The following LMTK3 variants were observed in gnomAD, a reference collection of about 807,000 sequenced individuals.
LMTK3 encodes the protein lemur tail kinase 3, also known as serine/threonine-protein kinase LMTK3.
Under a neutral mutation model 116.7 loss-of-function variants are expected in LMTK3, and 27 were observed. That is an observed-to-expected ratio of 0.23 (90% CI 0.17 to 0.32). The LOEUF (loss-of-function observed/expected upper bound fraction) is 0.32. Among genes scored for constraint, LMTK3 ranks in the 10% least tolerant of loss-of-function variants. LMTK3 has a pLI of 1.00. For synonymous variants in LMTK3, 965 were observed against 971.0 expected (o/e 0.99, Z 0.11); for missense variants, 1,764 against 2,068.5 (o/e 0.85, Z 2.86).
At position 48,509,508 on chromosome 19, in the gene LMTK3, T is replaced by G; in HGVS notation, c.367A>C (p.Thr123Pro). ...TGCCGGCTAAGGCCCAGGGGGGTGG[T>G]CATGTCTGGGGAGGGCAAGAGGGGA... is the stretch of plus-strand genomic sequence containing the variant. Reference protein sequence around the residue: ...PAPQPSHSDMTTPLGLSRQHL... With the variant: ...PAPQPSHSDMPTPLGLSRQHL... The change falls in exon 4 of 15, where the codon ACC becomes CCC. Residue 123 changes from threonine (T) to proline (P), a missense_variant. By Grantham distance (38) the Thr-to-Pro change is conservative (BLOSUM62 -1). This residue lies in a region of LMTK3 where 271 missense variants were observed against 478.2 expected (regional missense o/e 0.57). Coordinates refer to ENST00000600059, the MANE Select transcript of LMTK3 (RefSeq NM_001388485.1). 1 of 1,553,992 alleles carries G rather than the reference T, an allele frequency of 6.4e-7. No homozygotes were observed. Among genetic ancestry groups the G allele is most frequent in the Non-Finnish European group, 8.7e-7 (1 of 1,148,026 alleles).
At chr19:48,502,324 T>C (rs1410570042) in intron 7 of LMTK3, 109 bp downstream of exon 7, 1 of 1,333,536 alleles carries the variant, frequency 7.5e-7, no homozygotes, top group Non-Finnish European at 1.0e-6. Flanking sequence ...CGTCCCTATT[T>C]TGTGTCAGCC....
rs141818052 is a variant in LMTK3 at position 48,500,487 on chromosome 19, G to A, written c.1151+509C>T. On this transcript the variant is annotated intron_variant, in intron 10 of 14. Transcript: ENST00000600059. This position sits in a 1 kb window ranked among gnomAD's most constrained non-coding sequence, Gnocchi z 4.0. ...GAGAGGGACAGAGACCCAGAGAGAG[G>A]GGGACAGAGACCTAGAGAGAGAGGG... Among the ~76,000 whole-genome samples, 119 of 151,940 alleles carry A rather than the reference G, an allele frequency of 7.8e-4. 1 individual carries two copies. In the South Asian group the frequency reaches 0.015, roughly 19 times the overall value.
At chr19:48,492,701 CCA>C (rs1972246946) in intron 12 of LMTK3, among the ~76,000 whole-genome samples, 2 of 152,204 alleles carry the variant, frequency 1.3e-5, no homozygotes, top group African/African-American at 2.4e-5. Flanking sequence ...CAAACCATGC[CCA>C]AACTCTCACT....
rs1378147192 is a variant in LMTK3 at position 48,499,572 on chromosome 19, C to T, written c.1497G>A (p.Pro499=). 3.3e-6 allele frequency: 5 copies of T among 1,522,560 alleles called. No homozygotes were observed. The highest frequency in any genetic ancestry group is 4.5e-5 in the Admixed American group (2 of 44,434). 94.3% of individuals were successfully genotyped at this position (1,522,560 alleles called of 1,614,324 possible). The change falls in exon 11 of 15, where the codon CCG becomes CCA. Residue 499 remains proline (P), a synonymous_variant. Transcript: ENST00000600059. ...CGTGGGGGGCCGGGGGGGCCGACGC[C>T]GGCTGCCAGGCAGGTGCCCCCCCAC... ...GRGGGAPAWQ[P]ASAPPAPHAN...
chr19:48,505,528 C>G (rs1426191009), intron 5 of LMTK3, among the ~76,000 whole-genome samples: 1 of 151,960 alleles, frequency 6.6e-6, no homozygotes, highest in Non-Finnish European at 1.5e-5. Context: ...AGTTTGAGAC[C>G]AGCTGGAGCA....
intron 1 of LMTK3, among the ~76,000 whole-genome samples, chr19:48,511,178 A>C (rs1405504522): frequency 6.6e-6 from 1 of 152,194 alleles, no homozygotes; most frequent in Non-Finnish European, 1.5e-5. Flanking sequence ...TGTCCCCCTT[A>C]GAAATAGTAT....
chr19:48,501,466 A>G lies in LMTK3; in HGVS notation c.879+12T>C. ...ACCCCACAGCCCCCATCCCGACGGA[A>G]GGAAGCCCTACCTTGTAGTTGCTGT... On this transcript the variant is annotated intron_variant, in intron 8 of 14. Coordinates refer to ENST00000600059, the MANE Select transcript of LMTK3 (RefSeq NM_001388485.1). The G allele has an allele frequency of 6.2e-7, 1 of 1,612,670 alleles. No homozygotes were observed. The highest frequency in any genetic ancestry group is 8.5e-7 in the Non-Finnish European group (1 of 1,179,344).
intron 14 of LMTK3, among the ~76,000 whole-genome samples, chr19:48,488,495 G>C (rs1972163570): frequency 1.3e-5 from 2 of 151,782 alleles, no homozygotes; most frequent in Non-Finnish European, 2.9e-5. Context: ...GTCGTCCGTG[G>C]CTCCCTGGCA....
At position 48,499,763 on chromosome 19, in the gene LMTK3, G is replaced by T; in HGVS notation, c.1306C>A (p.Pro436Thr). 1.4e-6 allele frequency: 2 copies of T among 1,480,470 alleles called. No homozygotes were observed. The highest frequency in any genetic ancestry group is 1.8e-6 in the Non-Finnish European group (2 of 1,106,868). The allele number at this position is 1,480,470 out of a possible 1,614,324, so 91.7% of individuals were successfully genotyped here. The stretch of plus-strand genomic sequence containing the variant: ...GGGCGGGGCGCACTGTGTGCAGGGG[G>T]CCAGGGCCAGGGGAAGGGACCGTCT... ...PRDGPFPWPW[P>T]PAHSAPRPGT... is the part of the protein sequence containing the mutation. The change falls in exon 11 of 15, where the codon CCC becomes ACC. Residue 436 changes from proline to threonine, a missense_variant. Around this residue, in one of 7 missense-constraint regions of LMTK3, gnomAD observed 63 missense variants for 65.0 expected, o/e 0.97. Transcript: ENST00000600059.
upstream of LMTK3, chr19:48,513,386 G>T (rs1353996205): frequency 3.4e-6 from 2 of 589,792 alleles, no homozygotes; most frequent in Non-Finnish European, 6.1e-6. The surrounding 1 kb of genome is among the most constrained non-coding windows in gnomAD (Gnocchi z 5.6). Context: ...GTAGTCACCT[G>T]CCCCAAGGCA....
chr19:48,500,590 C>T lies in LMTK3; in HGVS notation c.1151+406G>A, dbSNP rs560498693. Among the ~76,000 whole-genome samples, 2 of 152,088 alleles carry T rather than the reference C, an allele frequency of 1.3e-5. No individual in the cohort carries two copies. Among genetic ancestry groups the T allele is most frequent in the Admixed American group, 6.5e-5 (1 of 15,274 alleles). The stretch of plus-strand genomic sequence containing the variant: ...GACGGTAGAGATTCAGAGGAGGTAA[C>T]TGGGCTGGGGAGCTGGGTATTGAGA... On this transcript the variant is annotated intron_variant, in intron 10 of 14. Transcript: ENST00000600059. The surrounding 1 kb of genome is among the most constrained non-coding windows in gnomAD (Gnocchi z 4.0).
chr19:48,510,039 C>A lies in LMTK3; in HGVS notation c.345G>T (p.Pro115=), dbSNP rs1738124941. The part of the protein sequence containing the change: ...LAEVSLPMPA[P]QPSHSDMTTP... ...GGGCAGTACCTGAGTGTGAAGGCTG[C>A]GGGGCAGGCATTGGCAGGGAGACCT... Residue 115 remains proline, a synonymous_variant, in exon 3 of 15, where the codon CCG becomes CCT. Coordinates refer to ENST00000600059, the MANE Select transcript of LMTK3 (RefSeq NM_001388485.1). 1.2e-6 allele frequency: 2 copies of A among 1,613,812 alleles called. No individual in the cohort carries two copies. The highest frequency in any genetic ancestry group is 1.7e-6 in the Non-Finnish European group (2 of 1,179,842).
At chr19:48,506,973 G>A (rs1972581756) in intron 5 of LMTK3, among the ~76,000 whole-genome samples, 1 of 152,064 alleles carries the variant, frequency 6.6e-6, no homozygotes, top group East Asian at 1.9e-4. Flanking sequence ...CAATTTTTTT[G>A]TATTTTTGTA....
rs1457239338 is a variant in LMTK3 at position 48,491,942 on chromosome 19, C to G, written c.4093-403G>C. ...TCCAGTGGCCCTCCCAACCCCTGCC[C>G]CATCCTGAGCGCATGCCGTGCTGGA... On this transcript the variant is annotated intron_variant, in intron 12 of 14. Coordinates refer to ENST00000600059, the MANE Select transcript of LMTK3 (RefSeq NM_001388485.1). This position sits in a 1 kb window ranked among gnomAD's most constrained non-coding sequence, Gnocchi z 5.1. 1.3e-5 allele frequency among the ~76,000 whole-genome samples: 2 copies of G among 152,070 alleles called. No homozygotes were observed. The highest frequency in any genetic ancestry group is 2.4e-5 in the African/African-American group (1 of 41,422).
intron 5 of LMTK3, among the ~76,000 whole-genome samples, chr19:48,505,035 C>G (rs1366360889): frequency 1.3e-5 from 2 of 150,242 alleles, no homozygotes; most frequent in African/African-American, 4.9e-5. Flanking sequence ...CTGTCTCTGT[C>G]ACATACTGCC....
At chr19:48,492,007 C>A (rs981593310) in intron 12 of LMTK3, among the ~76,000 whole-genome samples, 23 of 152,040 alleles carry the variant, frequency 1.5e-4, no homozygotes, top group Non-Finnish European at 2.8e-4. Context: ...CAGAAGTAGA[C>A]CTGCTCCCGC....
Position 48,501,463 on chromosome 19 carries a change from G to A in LMTK3, c.879+15C>T. On this transcript the variant is annotated intron_variant, in intron 8 of 14. Transcript: ENST00000600059. ...GGCACCCCACAGCCCCCATCCCGAC[G>A]GAAGGAAGCCCTACCTTGTAGTTGC... The A allele has an allele frequency of 1.2e-6, 2 of 1,612,466 alleles. No homozygotes were observed. The highest frequency in any genetic ancestry group is 1.7e-6 in the Non-Finnish European group (2 of 1,179,290).
Position 48,499,891 on chromosome 19 carries a change from C to A in LMTK3, c.1178G>T (p.Arg393Leu), listed in dbSNP as rs753538317. The A allele has an allele frequency of 1.3e-6, 2 of 1,597,692 alleles. No individual in the cohort carries two copies. The highest frequency in any genetic ancestry group is 1.7e-6 in the Non-Finnish European group (2 of 1,173,884). ...GGCTGAAGGGCGCTGGGCAGGTGGCCGCCAGCAGGACTGAAGAATGTCATA... is the reference window on the plus strand; with the variant it reads ...GGCTGAAGGGCGCTGGGCAGGTGGCAGCCAGCAGGACTGAAGAATGTCATA... ...YWYDILQSCW[R>L]PPAQRPSASD... The change falls in exon 11 of 15, where the codon CGG (arginine) becomes CTG (leucine). Residue 393 changes from arginine (R) to leucine (L), a missense_variant. Physicochemically the swap from Arg to Leu is moderately radical, Grantham distance 102 (BLOSUM62 -2). Around this residue, in one of 7 missense-constraint regions of LMTK3, gnomAD observed 271 missense variants for 478.2 expected, o/e 0.57. Coordinates refer to ENST00000600059, the MANE Select transcript of LMTK3 (RefSeq NM_001388485.1).
chr19:48,496,009 G>A (rs1357297810), intron 11 of LMTK3, among the ~76,000 whole-genome samples: 1 of 152,244 alleles, frequency 6.6e-6, no homozygotes, highest in African/African-American at 2.4e-5. Context: ...CTGGGTCCCA[G>A]CCTTGGGCAG....
Sources: allele counts gnomAD v4.1 joint callset (sites outside exome capture counted in the v4.1 genomes callset), GRCh38; gene constraint gnomAD v4.1.1; regional missense constraint gnomAD v4.1.1; non-coding constraint Gnocchi (gnomAD v3.1); transcripts MANE v1.5; gene names NCBI Gene and HGNC (gene_info 2026-07-23, HGNC 2026-07-21).